Variants in NDUFAF2 observed in about 807,000 individuals in gnomAD.
The protein encoded by NDUFAF2 is NADH dehydrogenase [ubiquinone] 1 alpha subcomplex assembly factor 2.
In NDUFAF2, 13 loss-of-function variants were observed where a neutral mutation model predicts 22.8. The observed-to-expected ratio is 0.57, with a 90% CI of 0.37 to 0.91. The LOEUF is 0.91. Among genes scored for constraint, NDUFAF2 ranks in the 40% least tolerant of loss-of-function variants. NDUFAF2 has a pLI of 0.01. For synonymous variants in NDUFAF2, 53 were observed against 64.2 expected (o/e 0.83, Z 0.84); for missense variants, 162 against 195.2 (o/e 0.83, Z 1.01).
At chr5:61,124,744 T>A (rs1276111054) in intron 3 of NDUFAF2, among the ~76,000 whole-genome samples, 1 of 152,186 alleles carries the variant, frequency 6.6e-6, no homozygotes, top group South Asian at 2.1e-4. Flanking sequence ...TTCAATTGGA[T>A]AGTATTCCTT....
chr5:61,021,531 G>A (rs1189043747), intron 1 of NDUFAF2, among the ~76,000 whole-genome samples: 1 of 152,128 alleles, frequency 6.6e-6, no homozygotes, highest in Non-Finnish European at 1.5e-5. Flanking sequence ...TGCCATGTAA[G>A]GTAACAGTCT....
intron 1 of NDUFAF2, among the ~76,000 whole-genome samples, chr5:61,010,435 T>G (rs2112597230): frequency 6.6e-6 from 1 of 152,192 alleles, no homozygotes; most frequent in East Asian, 1.9e-4. Context: ...CATGTTTTGC[T>G]TGCCTCTAGC....
intron 1 of NDUFAF2, among the ~76,000 whole-genome samples, chr5:61,059,946 G>A (rs1752143570): frequency 1.3e-5 from 2 of 151,878 alleles, no homozygotes; most frequent in African/African-American, 4.8e-5. Flanking sequence ...TTTTTAATTG[G>A]GTATCTGTAA....
rs963309907 is a variant in NDUFAF2, at chr5:61,129,553, A to G, written c.259-23151A>G. Among the ~76,000 whole-genome samples the G allele has an allele frequency of 1.2e-4, 18 of 151,918 alleles. No individual in the cohort carries two copies. In the South Asian group the frequency reaches 3.5e-3, roughly 30 times the overall value. On this transcript the variant is annotated intron_variant, in intron 3 of 3. Coordinates refer to ENST00000296597, the MANE Select transcript of NDUFAF2 (RefSeq NM_174889.5). ...AAACTATTGCAAGGACAAAAAACCA[A>G]ACACCACATGTTCTCACTCATAGGT...
At chr5:60,975,682 G>A (rs1291493722) in intron 1 of NDUFAF2, among the ~76,000 whole-genome samples, 1 of 152,146 alleles carries the variant, frequency 6.6e-6, no homozygotes, top group Admixed American at 6.5e-5. Context: ...AATCAGCAAG[G>A]GGTGACTGAT....
chr5:60,984,157 T>C (rs970697528), intron 1 of NDUFAF2, among the ~76,000 whole-genome samples: 1 of 152,138 alleles, frequency 6.6e-6, no homozygotes, highest in African/African-American at 2.4e-5. Context: ...TATTCTCTTT[T>C]AAGCAATTGT....
chr5:61,126,046 T>G (rs1753032368), intron 3 of NDUFAF2, among the ~76,000 whole-genome samples: 1 of 152,010 alleles, frequency 6.6e-6, no homozygotes, highest in African/African-American at 2.4e-5. Context: ...GGAAAGATCT[T>G]CTGCTTAAAA....
chr5:60,988,055 A>G (rs141251330), intron 1 of NDUFAF2, among the ~76,000 whole-genome samples: 1 of 151,002 alleles, frequency 6.6e-6, no homozygotes, highest in Non-Finnish European at 1.5e-5. Flanking sequence ...AGCTTAAGCA[A>G]CTTGAGCTGA....
At chr5:61,091,975 T>C (rs1265835449) in intron 2 of NDUFAF2, among the ~76,000 whole-genome samples, 1 of 152,178 alleles carries the variant, frequency 6.6e-6, no homozygotes. Flanking sequence ...TGCTTGTTTG[T>C]GTCAGGTTTG....
At chr5:61,152,653 CT>C (rs759551233) in intron 3 of NDUFAF2, 50 bp from the exon 4 acceptor site, 18 of 1,333,790 alleles carry the variant, frequency 1.3e-5, no homozygotes, top group African/African-American at 7.5e-5. Flanking sequence ...TTTATAAAAA[CT>C]TTTTTTAACT....
chr5:60,987,158 T>C (rs1445800106), intron 1 of NDUFAF2, among the ~76,000 whole-genome samples: 1 of 152,082 alleles, frequency 6.6e-6, no homozygotes, highest in Non-Finnish European at 1.5e-5. Context: ...CCTCTATATA[T>C]ACAAACTAGA....
In NDUFAF2 at chr5:60,948,280, C is replaced by T. The variant is rs550927414; in HGVS notation, c.127+2898C>T. Among the ~76,000 whole-genome samples, 312 of 152,246 alleles carry T rather than the reference C, an allele frequency of 2.0e-3. 5 individuals are homozygous for T. The highest frequency in any genetic ancestry group is 5.3e-4 in the Non-Finnish European group (36 of 68,016). ...TGTCGCCCAGGCTGGAGTGCAGTGGCGCTATCTCGGCTTACTGCAACCTCT... is the reference window on the plus strand; with the variant it reads ...TGTCGCCCAGGCTGGAGTGCAGTGGTGCTATCTCGGCTTACTGCAACCTCT... On this transcript the variant is annotated intron_variant, in intron 1 of 3. Transcript: ENST00000296597.
rs549661855 is a variant in NDUFAF2, at chr5:61,046,075, A to G, written c.128-27050A>G. ...TTTCTGCATCTACCGAGATGATTATATGGTTTTTAGCCATCATTCTGTTAA... is the reference window on the plus strand; with the variant it reads ...TTTCTGCATCTACCGAGATGATTATGTGGTTTTTAGCCATCATTCTGTTAA... On this transcript the variant is annotated intron_variant, in intron 1 of 3. Transcript: ENST00000296597. Among the ~76,000 whole-genome samples the G allele has an allele frequency of 4.6e-5, 7 of 152,236 alleles. No homozygotes were observed. In the South Asian group the frequency reaches 1.0e-3, roughly 23 times the overall value.
chr5:61,147,256 C>CTT (rs147027550), intron 3 of NDUFAF2, among the ~76,000 whole-genome samples: 1 of 144,946 alleles, frequency 6.9e-6, no homozygotes, highest in African/African-American at 2.5e-5. Context: ...CTTTTGGAAG[C>CTT]TTTTTTTTTT....
intron 1 of NDUFAF2, among the ~76,000 whole-genome samples, chr5:61,054,894 G>A (rs1752068534): frequency 6.6e-6 from 1 of 152,182 alleles, no homozygotes; most frequent in Non-Finnish European, 1.5e-5. Flanking sequence ...AGTTATAGAT[G>A]TAATCCTGTT....
At chr5:60,970,723 C>T (rs1750815454) in intron 1 of NDUFAF2, among the ~76,000 whole-genome samples, 2 of 152,192 alleles carry the variant, frequency 1.3e-5, no homozygotes, top group African/African-American at 2.4e-5. Context: ...ACTTCCAGTA[C>T]GTGTTAAATA....
At chr5:61,121,698 G>A (rs181767099) in intron 3 of NDUFAF2, among the ~76,000 whole-genome samples, 120 of 152,150 alleles carry the variant, frequency 7.9e-4, no homozygotes, top group Non-Finnish European at 1.5e-3. Flanking sequence ...TTTGAGTGAA[G>A]CAGCTTACCC....
At chr5:61,040,720 A>G (rs570393923) in intron 1 of NDUFAF2, among the ~76,000 whole-genome samples, 1 of 152,168 alleles carries the variant, frequency 6.6e-6, no homozygotes, top group East Asian at 1.9e-4. Flanking sequence ...TCACAAATAT[A>G]TTCTTCATGA....
intron 1 of NDUFAF2, among the ~76,000 whole-genome samples, chr5:61,065,074 A>G (rs1752212433): frequency 6.6e-6 from 1 of 152,158 alleles, no homozygotes; most frequent in Non-Finnish European, 1.5e-5. Flanking sequence ...ATTATGTACA[A>G]GTATATGCCA....
Sources: gnomAD v4.1 joint callset for allele counts (sites outside exome capture counted in the v4.1 genomes callset) on GRCh38, gnomAD v4.1.1 for gene constraint, MANE v1.5 for transcripts, NCBI Gene and HGNC (gene_info 2026-07-23, HGNC 2026-07-21) for gene names.